TMEM45A: variants seen among roughly 807,000 people sequenced by gnomAD.
TMEM45A encodes the protein DNA polymerase-transactivated protein 4.
Under a neutral mutation model 32.0 loss-of-function variants are expected in TMEM45A, and 25 were observed. The observed-to-expected ratio is 0.78, with a 90% CI of 0.57 to 1.09. The LOEUF is 1.09. Ranked by LOEUF, TMEM45A falls within the 50% of genes least tolerant of loss-of-function variation. The pLI is 0.00. For synonymous variants in TMEM45A, 122 were observed against 114.8 expected (o/e 1.06, Z -0.40); for missense variants, 302 against 325.0 (o/e 0.93, Z 0.54).
At chr3:100,554,771 G>A (rs1268219849) in intron 1 of TMEM45A, among the ~76,000 whole-genome samples, 4 of 152,160 alleles carry the variant, frequency 2.6e-5, no homozygotes, top group East Asian at 1.9e-4. Context: ...ACTGTATGGC[G>A]AAGTATATAC....
intron 1 of TMEM45A, among the ~76,000 whole-genome samples, chr3:100,541,467 A>G (rs1705874688): frequency 6.7e-6 from 1 of 149,162 alleles, no homozygotes; most frequent in African/African-American, 2.5e-5. Context: ...AAGGTCTTAC[A>G]TTTAAATCTT....
At chr3:100,523,692 T>TCTCCTCCCCCTCCTTTCTC in intron 1 of TMEM45A, among the ~76,000 whole-genome samples, 1 of 69,464 alleles carries the variant, frequency 1.4e-5, no homozygotes, top group Non-Finnish European at 2.4e-5. Flanking sequence ...TTCTCCTCCT[T>TCTCCTCCCCCTCCTTTCTC]CTCCTTCTCC....
chr3:100,539,780 A>G (rs551533465), intron 1 of TMEM45A, among the ~76,000 whole-genome samples: 23 of 152,138 alleles, frequency 1.5e-4, no homozygotes, highest in Non-Finnish European at 2.9e-4. Flanking sequence ...TACTTAGTCT[A>G]CCAATTCAAA....
chr3:100,551,613 G>A (rs2148977608), intron 1 of TMEM45A, among the ~76,000 whole-genome samples: 1 of 152,318 alleles, frequency 6.6e-6, no homozygotes, highest in East Asian at 1.9e-4. Context: ...GGAGATGAGA[G>A]TGAAGTAACG....
At chr3:100,535,067 G>C (rs1705717806) in intron 1 of TMEM45A, among the ~76,000 whole-genome samples, 1 of 151,930 alleles carries the variant, frequency 6.6e-6, no homozygotes, top group African/African-American at 2.4e-5. Context: ...AAATTATTTT[G>C]TGTGTTAACT....
chr3:100,535,207 G>A lies in TMEM45A; in HGVS notation c.-3-20002G>A, dbSNP rs201129094. Among the ~76,000 whole-genome samples, 22 of 151,546 alleles carry A rather than the reference G, an allele frequency of 1.5e-4. No homozygotes were observed. In the East Asian group the frequency reaches 3.5e-3, roughly 24 times the overall value. On this transcript the variant is annotated intron_variant, in intron 1 of 5. Transcript: ENST00000323523. ...GCAATCTCGGTTCACTACAACGTCC[G>A]CTTCCCGGGTTCAAAGGATTCTCCT...
intron 5 of TMEM45A, among the ~76,000 whole-genome samples, chr3:100,569,940 G>A (rs1706524945): frequency 6.6e-6 from 1 of 152,162 alleles, no homozygotes; most frequent in Admixed American, 6.5e-5. Context: ...GGATGAGCAG[G>A]AATAGAAAGG....
At chr3:100,495,577 G>T (rs1182780010) in intron 1 of TMEM45A, among the ~76,000 whole-genome samples, 1 of 152,158 alleles carries the variant, frequency 6.6e-6, no homozygotes, top group Non-Finnish European at 1.5e-5. Flanking sequence ...ATGGCAAGCC[G>T]AACTGTCAGC....
At chr3:100,539,478 T>TATACGTATACGTATACGTATAC (rs1705814925) in intron 1 of TMEM45A, among the ~76,000 whole-genome samples, 2 of 127,032 alleles carry the variant, frequency 1.6e-5, no homozygotes, top group African/African-American at 5.3e-5. Context: ...TATATGTATA[T>TATACGTATACGTATACGTATAC]GTATATGTAT....
At chr3:100,512,083 A>C (rs1708173838) in intron 1 of TMEM45A, among the ~76,000 whole-genome samples, 1 of 152,192 alleles carries the variant, frequency 6.6e-6, no homozygotes, top group Admixed American at 6.5e-5. Context: ...AAAGTCAACA[A>C]GGATACCCAG....
chr3:100,551,562 A>G (rs140714155), intron 1 of TMEM45A, among the ~76,000 whole-genome samples: 324 of 152,356 alleles, frequency 2.1e-3, no homozygotes, highest in African/African-American at 7.4e-3. Context: ...TGAAGGCAAC[A>G]GTAAAGCAGG....
chr3:100,576,881 A>C (rs1032315870), intron 5 of TMEM45A, 44 bp from the exon 6 acceptor site: 23 of 1,476,928 alleles, frequency 1.6e-5, no homozygotes, highest in Non-Finnish European at 2.2e-5. Context: ...CTGGGTTTCT[A>C]TTTTAAAAAC....
At chr3:100,550,138 A>G (rs537404604) in intron 1 of TMEM45A, among the ~76,000 whole-genome samples, 262 of 151,156 alleles carry the variant, frequency 1.7e-3, no homozygotes, top group African/African-American at 5.8e-3. Context: ...TGGCACATGT[A>G]TACATATGTA....
chr3:100,529,230 A>G (rs1251690675), intron 1 of TMEM45A, among the ~76,000 whole-genome samples: 1 of 152,224 alleles, frequency 6.6e-6, no homozygotes, highest in African/African-American at 2.4e-5. Flanking sequence ...AACAGAAAAA[A>G]ACCAGGGGCT....
intron 5 of TMEM45A, chr3:100,574,446 C>T (rs929393428): frequency 2.6e-5 from 4 of 152,144 alleles, no homozygotes; most frequent in Admixed American, 6.5e-5. Context: ...CAAGACTAAA[C>T]CAGGAAGAAG....
At chr3:100,527,399 C>G (rs1220630133) in intron 1 of TMEM45A, among the ~76,000 whole-genome samples, 1 of 152,142 alleles carries the variant, frequency 6.6e-6, no homozygotes, top group Admixed American at 6.5e-5. Context: ...CTCAGCTACC[C>G]TCATGATAGT....
chr3:100,506,373 G>A (rs771770289), intron 1 of TMEM45A, among the ~76,000 whole-genome samples: 6 of 152,046 alleles, frequency 3.9e-5, no homozygotes, highest in East Asian at 1.9e-4. Flanking sequence ...AAAAAAATCC[G>A]GTGCCAAACA....
chr3:100,539,462 T>TATATGC (rs1553682684), intron 1 of TMEM45A, among the ~76,000 whole-genome samples: 2 of 106,336 alleles, frequency 1.9e-5, no homozygotes, highest in South Asian at 3.0e-4. Context: ...TATGTATATG[T>TATATGC]ATATGTATAT....
intron 1 of TMEM45A, among the ~76,000 whole-genome samples, chr3:100,495,707 G>A (rs1302330883): frequency 1.3e-5 from 2 of 152,046 alleles, no homozygotes; most frequent in East Asian, 1.9e-4. Context: ...GGTCCTGCAG[G>A]TTGGGTGGGT....
Sources: allele counts gnomAD v4.1 joint callset (sites outside exome capture counted in the v4.1 genomes callset), GRCh38; gene constraint gnomAD v4.1.1; transcripts MANE v1.5; gene names NCBI Gene and HGNC (gene_info 2026-07-23, HGNC 2026-07-21).